The following F12 variants were observed in gnomAD, a reference collection of about 807,000 sequenced individuals.
The protein encoded by F12 is coagulation factor XII.
A neutral mutation model predicts 74.8 loss-of-function variants in F12; 70 were observed. The ratio of observed to expected loss-of-function variants is 0.94; its 90% CI spans 0.77 to 1.14. F12 has a LOEUF of 1.14. F12 is among the 50% of genes most tolerant of loss of function. The probability of loss-of-function intolerance (pLI) is 0.00; values close to 1 mark genes in which losing one functional copy is unlikely to be tolerated. For missense variants in F12, 811 were observed against 835.7 expected (o/e 0.97, Z 0.36); for synonymous variants, 373 against 356.4 (o/e 1.05, Z -0.52).
rs746749509 is a variant in F12, at chr5:177,403,936, G to A, written c.1173C>T (p.Tyr391=). Residue 391 remains tyrosine (Y), a synonymous_variant, in exon 10 of 14, where the codon TAC becomes TAT. Coordinates refer to ENST00000253496, the MANE Select transcript of F12 (RefSeq NM_000505.4). ...RGAHPYIAAL[Y]WGHSFCAGSL... ...TGCCGGCGCAGAAACTGTGGCCCCA[G>A]TACAGCGCGGCGATGTAGGGGTGCG... 36 of 1,599,508 alleles carry A rather than the reference G, an allele frequency of 2.3e-5. No individual in the cohort carries two copies. The highest frequency in any genetic ancestry group is 5.1e-6 in the Non-Finnish European group (6 of 1,177,538).
At chr5:177,408,715 T>G (rs767405137) in intron 2 of F12, among the ~76,000 whole-genome samples, 1 of 152,220 alleles carries the variant, frequency 6.6e-6, no homozygotes, top group Non-Finnish European at 1.5e-5. Flanking sequence ...GGCCCTGGCC[T>G]CTGTGTGGCA....
intron 2 of F12, among the ~76,000 whole-genome samples, chr5:177,406,949 G>A (rs532244451): frequency 4.6e-5 from 7 of 152,256 alleles, no homozygotes; most frequent in Non-Finnish European, 8.8e-5. Context: ...TTAGTGCAAC[G>A]TTTTTCACAC....
rs757242466 is a variant in F12 at position 177,403,957 on chromosome 5, G to A, written c.1152C>T (p.His384=). 1.9e-5 allele frequency: 31 copies of A among 1,601,820 alleles called. No individual in the cohort carries two copies. The highest frequency in any genetic ancestry group is 1.2e-4 in the Admixed American group (7 of 59,612). The part of the protein sequence containing the change: ...VGGLVALRGA[H]PYIAALYWGH... Reference sequence around the variant, plus strand: ...CCCAGTACAGCGCGGCGATGTAGGGGTGCGCCCCGCGTAGCGCCACCAGCC... The same window carrying A: ...CCCAGTACAGCGCGGCGATGTAGGGATGCGCCCCGCGTAGCGCCACCAGCC... Residue 384 remains histidine, a synonymous_variant, in exon 10 of 14, where the codon CAC becomes CAT. Coordinates refer to ENST00000253496, the MANE Select transcript of F12 (RefSeq NM_000505.4).
intron 2 of F12, among the ~76,000 whole-genome samples, chr5:177,408,150 G>C (rs1230830785): frequency 6.6e-6 from 1 of 151,870 alleles, no homozygotes; most frequent in Non-Finnish European, 1.5e-5. Context: ...TCACCTCCCA[G>C]GTTCAAGCAA....
chr5:177,405,139 C>T lies in F12; in HGVS notation c.444G>A (p.Glu148=). 1 of 1,613,990 alleles carries T rather than the reference C, an allele frequency of 6.2e-7. No homozygotes were observed. Among genetic ancestry groups the T allele is most frequent in the South Asian group, 1.1e-5 (1 of 91,082 alleles). ...PQLLRFFHKN[E]IWYRTEQAAV... ...CTGCTTGCTCAGTTCTATACCATAT[C>T]TCATTCTTGTGGAAAAACCGGAGAA... The change falls in exon 6 of 14, where the codon GAG becomes GAA. Residue 148 remains glutamate (E), a synonymous_variant. Transcript: ENST00000253496.
intron 4 of F12, 43 bp from the exon 5 acceptor site, chr5:177,405,476 C>G: frequency 1.3e-6 from 2 of 1,569,562 alleles, no homozygotes; most frequent in Non-Finnish European, 1.7e-6. Flanking sequence ...GGAGCTGAGT[C>G]ACACAGCTGG....
intron 2 of F12, among the ~76,000 whole-genome samples, 180 bp from the exon 3 acceptor site, chr5:177,406,241 C>A (rs1763287802): frequency 6.6e-6 from 1 of 152,214 alleles, no homozygotes; most frequent in African/African-American, 2.4e-5. Context: ...GTAATCCCAG[C>A]ACTTTGGGAG....
intron 8 of F12, 43 bp from the exon 9 acceptor site, chr5:177,404,456 G>A: frequency 2.5e-6 from 4 of 1,598,736 alleles, no homozygotes; most frequent in Non-Finnish European, 3.4e-6. Context: ...CCGGGAGCCC[G>A]GAGCCCTGGG....
intron 2 of F12, among the ~76,000 whole-genome samples, chr5:177,407,784 CAAA>C (rs112040010): frequency 7.3e-6 from 1 of 137,866 alleles, no homozygotes; most frequent in African/African-American, 2.7e-5. Flanking sequence ...GACTCCATCT[CAAA>C]AAAAAAAAAA....
chr5:177,403,983 C>G lies in F12; in HGVS notation c.1126G>C (p.Gly376Arg), dbSNP rs1439902193. The change falls in exon 10 of 14, where the codon GGG (glycine) becomes CGG (arginine). Residue 376 changes from glycine (G) to arginine (R), a missense_variant. Coordinates refer to ENST00000253496, the MANE Select transcript of F12 (RefSeq NM_000505.4). ...SLSSMTRVVG[G>R]LVALRGAHPY... is the part of the protein sequence containing the mutation. ...TGCGCCCCGCGTAGCGCCACCAGCCCGCCAACGACGCGGGTCATCGAAGAC... is the reference window on the plus strand; with the variant it reads ...TGCGCCCCGCGTAGCGCCACCAGCCGGCCAACGACGCGGGTCATCGAAGAC... The G allele has an allele frequency of 1.2e-6, 2 of 1,602,890 alleles. No homozygotes were observed. Among genetic ancestry groups the G allele is most frequent in the South Asian group, 1.1e-5 (1 of 90,914 alleles).
chr5:177,402,806 C>G (rs1396775449), intron 12 of F12, 108 bp from the exon 13 acceptor site: 2 of 1,493,382 alleles, frequency 1.3e-6, no homozygotes, highest in Non-Finnish European at 9.1e-7. Flanking sequence ...CCCTTCCTCT[C>G]TCGCAGCAAG....
chr5:177,405,905 G>T, intron 3 of F12, 57 bp downstream of exon 3: 1 of 1,600,088 alleles, frequency 6.2e-7, no homozygotes, highest in South Asian at 1.1e-5. Context: ...TGGACAGAAG[G>T]ACAGGCAGGG....
intron 4 of F12, 105 bp from the exon 5 acceptor site, chr5:177,405,538 T>A: frequency 7.4e-7 from 1 of 1,348,458 alleles, no homozygotes; most frequent in Non-Finnish European, 1.0e-6. Flanking sequence ...CTACTCCAAG[T>A]TTCCAAGCTT....
Position 177,404,046 on chromosome 5 carries a change from C to T in F12, c.1063G>A (p.Gly355Ser), listed in dbSNP as rs758271931. 2 of 1,602,414 alleles carry T rather than the reference C, an allele frequency of 1.2e-6. No individual in the cohort carries two copies. The highest frequency in any genetic ancestry group is 1.3e-5 in the African/African-American group (1 of 74,918). Residue 355 changes from glycine (G) to serine (S), a missense_variant, in exon 10 of 14, where the codon GGC becomes AGC. Gly to Ser is a moderately conservative substitution (Grantham distance 56, BLOSUM62 0). Coordinates refer to ENST00000253496, the MANE Select transcript of F12 (RefSeq NM_000505.4). The part of the protein sequence containing the change: ...REQPPSLTRN[G>S]PLSCGQRLRK... ...AGCCGCTGCCCGCAGCTCAGTGGGC[C>T]GTTCCTGGTCAGGGAAGGCGGCTGC...
rs1561641012 is a variant in F12 at position 177,404,200 on chromosome 5, CG to C, written c.1013del (p.Pro338ArgfsTer14). ...TTCCCCCCCCCACTTCCTAACCTCC[CG>C]GGGTCTGGGACTGAGGCGGGGTCCG... is the stretch of plus-strand genomic sequence containing the variant. ...TTRTPPQSQT[P>X]GALPAKREQP... On this transcript the variant is annotated frameshift_variant, in exon 9 of 14. Transcript: ENST00000253496. LOFTEE classifies it high-confidence loss of function. The C allele has an allele frequency of 1.2e-6, 2 of 1,603,168 alleles. No individual in the cohort carries two copies. Among genetic ancestry groups the C allele is most frequent in the Non-Finnish European group, 1.7e-6 (2 of 1,174,598 alleles).
At chr5:177,406,154 C>T (rs1763285016) in intron 2 of F12, 93 bp from the exon 3 acceptor site, 1 of 1,190,086 alleles carries the variant, frequency 8.4e-7, no homozygotes, top group African/African-American at 1.5e-5. Context: ...GACAGACCCT[C>T]AAAAAGGTCG....
chr5:177,403,019 G>A (rs1763178929), intron 12 of F12, among the ~76,000 whole-genome samples: 1 of 152,196 alleles, frequency 6.6e-6, no homozygotes, highest in Admixed American at 6.5e-5. Context: ...CGCCCAGAGG[G>A]AACCAAGAGC....
chr5:177,402,976 G>A (rs1340020812), intron 12 of F12: 1 of 669,954 alleles, frequency 1.5e-6, no homozygotes, highest in Non-Finnish European at 2.5e-6. Flanking sequence ...CCGGAGCGCG[G>A]GGCCAGCGTC....
chr5:177,406,224 C>T (rs1026176843), intron 2 of F12, among the ~76,000 whole-genome samples, 163 bp from the exon 3 acceptor site: 8 of 152,194 alleles, frequency 5.3e-5, no homozygotes, highest in Non-Finnish European at 7.3e-5. Context: ...CGCGGTGGCT[C>T]AAGCCTGTAA....
Sources: allele counts gnomAD v4.1 joint callset (sites outside exome capture counted in the v4.1 genomes callset), GRCh38; gene constraint gnomAD v4.1.1; transcripts MANE v1.5; gene names NCBI Gene and HGNC (gene_info 2026-07-23, HGNC 2026-07-21).